NLRP12: variants seen among roughly 807,000 people sequenced by gnomAD.
NLRP12 encodes NLR family pyrin domain containing 12.
In NLRP12, 108 loss-of-function variants were observed where a neutral mutation model predicts 91.2. The ratio of observed to expected loss-of-function variants is 1.18; its 90% confidence interval spans 1.01 to 1.39. The LOEUF is 1.39. Among genes scored for constraint, NLRP12 ranks in the 40% most tolerant of loss-of-function variants. The pLI, the probability that NLRP12 is intolerant of heterozygous loss-of-function variation, is 0.00. For missense variants in NLRP12, 1,530 were observed against 1,352.7 expected (o/e 1.13, Z -2.06); for synonymous variants, 613 against 566.7 (o/e 1.08, Z -1.16).
chr19:53,803,328 T>C (rs1042514143), intron 6 of NLRP12, among the ~76,000 whole-genome samples: 4 of 151,922 alleles, frequency 2.6e-5, no homozygotes, highest in Non-Finnish European at 4.4e-5. Flanking sequence ...ATTATAGGCA[T>C]GTGCCACCAC....
chr19:53,815,111 A>G (rs1055507279), intron 1 of NLRP12, 123 bp from the exon 2 acceptor site: 3 of 766,938 alleles, frequency 3.9e-6, no homozygotes. Context: ...CAGAATGTTC[A>G]GTAGTGACTG....
At chr19:53,799,088 C>T (rs2091823586) in intron 7 of NLRP12, among the ~76,000 whole-genome samples, 1 of 147,300 alleles carries the variant, frequency 6.8e-6, no homozygotes. Context: ...TCTTGGCTCA[C>T]TGCAACCTCC....
At chr19:53,801,865 G>A (rs1039680098) in intron 6 of NLRP12, among the ~76,000 whole-genome samples, 5 of 152,060 alleles carry the variant, frequency 3.3e-5, no homozygotes, top group African/African-American at 4.8e-5. Flanking sequence ...GGCCGAGGCT[G>A]GCAGATCACC....
At chr19:53,796,630 A>C (rs2091766444) in intron 8 of NLRP12, among the ~76,000 whole-genome samples, 1 of 151,860 alleles carries the variant, frequency 6.6e-6, no homozygotes, top group Non-Finnish European at 1.5e-5. Context: ...GTGATCCACC[A>C]ACCTTGGCCT....
chr19:53,794,921 G>C (rs938466288), intron 9 of NLRP12, among the ~76,000 whole-genome samples: 2 of 151,972 alleles, frequency 1.3e-5, no homozygotes, highest in East Asian at 3.9e-4. Context: ...GGCTGGTCTT[G>C]AACTCCTGGC....
intron 3 of NLRP12, among the ~76,000 whole-genome samples, chr19:53,809,383 T>G (rs1418755299): frequency 6.6e-6 from 1 of 150,426 alleles, no homozygotes; most frequent in Non-Finnish European, 1.5e-5. Context: ...ATACAAAAAT[T>G]AGGTGGGCGT....
In NLRP12 at chr19:53,803,940, GGAA is replaced by G; in HGVS notation, c.2585+9_2585+11del. 6.2e-7 allele frequency: 1 copy of G among 1,613,150 alleles called. No individual in the cohort carries two copies. ...TGCCATTTTATTATAGTTGACCCCAGGAAGAACTCACCACAAAGTCCGTAGTCT... is the reference window on the plus strand; with the variant it reads ...TGCCATTTTATTATAGTTGACCCCAGGAACTCACCACAAAGTCCGTAGTCT... On this transcript the variant is annotated intron_variant, in intron 6 of 9. Transcript: ENST00000324134.
chr19:53,823,467 A>ATATTTAAAATATATATTTTAAAATATATT (rs2092296557), intron 1 of NLRP12, among the ~76,000 whole-genome samples: 1 of 129,996 alleles, frequency 7.7e-6, no homozygotes, highest in African/African-American at 2.9e-5. Flanking sequence ...TTTTAAATAT[A>ATATTTAAAATATATATTTTAAAATATATT]TATTTAAAAT....
intron 8 of NLRP12, 116 bp downstream of exon 8, chr19:53,798,127 T>C: frequency 8.7e-7 from 1 of 1,151,590 alleles, no homozygotes; most frequent in Non-Finnish European, 1.3e-6. Context: ...CTCTTCTTGC[T>C]ACCTGAATCT....
At chr19:53,819,602 TATATATGTATGTATACGTATATAC>T (rs2092231703) in intron 1 of NLRP12, among the ~76,000 whole-genome samples, 3 of 88,922 alleles carry the variant, frequency 3.4e-5, no homozygotes, top group African/African-American at 1.3e-4. Context: ...TATATACGCA[TATATATGTATGTATACGTATATAC>T]GCGTATATAT....
At chr19:53,802,724 CTG>C in intron 6 of NLRP12, among the ~76,000 whole-genome samples, 1 of 151,154 alleles carries the variant, frequency 6.6e-6, no homozygotes, top group East Asian at 1.9e-4. Flanking sequence ...AAAAAGAAAA[CTG>C]GGGAAGATGG....
chr19:53,797,740 A>AT (rs2091792620), intron 8 of NLRP12, among the ~76,000 whole-genome samples: 2 of 142,468 alleles, frequency 1.4e-5, no homozygotes, highest in African/African-American at 5.1e-5. Flanking sequence ...TTTAAATTTT[A>AT]ATTTTTTTTT....
chr19:53,810,823 A>G lies in NLRP12; in HGVS notation c.836T>C (p.Leu279Pro). The G allele has an allele frequency of 6.2e-7, 1 of 1,614,082 alleles. No individual in the cohort carries two copies. Among genetic ancestry groups the G allele is most frequent in the African/African-American group, 1.3e-5 (1 of 75,032 alleles). ...CTCGGGAACTCGGATGAGCTCCTGG[A>G]GAGGCGCGCTGGGCTCAGGCCAGCA... Reference protein sequence around the residue: ...FSCWPEPSAPLQELIRVPERL... With the variant: ...FSCWPEPSAPPQELIRVPERL... Residue 279 changes from leucine (L) to proline (P), a missense_variant, in exon 3 of 10, where the codon CTC (leucine) becomes CCC (proline). Coordinates refer to ENST00000324134, the MANE Select transcript of NLRP12 (RefSeq NM_144687.4).
rs540042739 is a variant in NLRP12, at chr19:53,810,078, G to A, written c.1581C>T (p.Ile527=). ...FQEFFAAMYY[I]LDEGEGGAGP... is the part of the protein sequence containing the mutation. ...CTGCCCCGCCCTCCCCCTCGTCCAG[G>A]ATATAGTACATAGCTGCAAAGAATT... is the stretch of plus-strand genomic sequence containing the variant. The change falls in exon 3 of 10, where the codon ATC becomes ATT. Residue 527 remains isoleucine (I), a synonymous_variant. Transcript: ENST00000324134. The A allele has an allele frequency of 6.2e-7, 1 of 1,614,134 alleles. No homozygotes were observed. Among genetic ancestry groups the A allele is most frequent in the South Asian group, 1.1e-5 (1 of 91,074 alleles).
At chr19:53,820,790 C>T (rs894239407) in intron 1 of NLRP12, among the ~76,000 whole-genome samples, 3 of 149,556 alleles carry the variant, frequency 2.0e-5, no homozygotes, top group Non-Finnish European at 3.0e-5. Flanking sequence ...CAGGTTCACG[C>T]CATTCTCCTG....
At position 53,819,245 on chromosome 19, in the gene NLRP12, CTTTCT is replaced by C. The variant is rs1224562191; in HGVS notation, c.290-4262_290-4258del. On this transcript the variant is annotated intron_variant, in intron 1 of 9. Coordinates refer to ENST00000324134, the MANE Select transcript of NLRP12 (RefSeq NM_144687.4). ...CAAGTAAGTAAATTGATACTTTTTT[CTTTCT>C]TTTCTTTTTTTGAGATGGAGTCTCG... 2.7e-5 allele frequency among the ~76,000 whole-genome samples: 4 copies of C among 150,234 alleles called. No homozygotes were observed. In the South Asian group the frequency reaches 6.3e-4, roughly 24 times the overall value.
Position 53,810,502 on chromosome 19 carries a change from T to C in NLRP12, c.1157A>G (p.Gln386Arg), listed in dbSNP as rs1335953782. 3 of 1,613,986 alleles carry C rather than the reference T, an allele frequency of 1.9e-6. No individual in the cohort carries two copies. The highest frequency in any genetic ancestry group is 2.5e-6 in the Non-Finnish European group (3 of 1,180,014). The change falls in exon 3 of 10, where the codon CAA (glutamine) becomes CGA (arginine). Residue 386 changes from glutamine to arginine, a missense_variant. Coordinates refer to ENST00000324134, the MANE Select transcript of NLRP12 (RefSeq NM_144687.4). ...GTTGTCCCTCACGTAATTGAAGACT[T>C]GGCCCGCCTGCTCTGCATTGTGGAA... ...KYFHNAEQAG[Q>R]VFNYVRDNEP...
intron 1 of NLRP12, among the ~76,000 whole-genome samples, chr19:53,821,450 T>C (rs1330368381): frequency 1.3e-5 from 2 of 151,980 alleles, no homozygotes; most frequent in Non-Finnish European, 2.9e-5. Context: ...GGCTGGATCA[T>C]GAGGTCAGGA....
At chr19:53,823,447 T>TATATATTTTA (rs2092294647) in intron 1 of NLRP12, among the ~76,000 whole-genome samples, 1 of 66,010 alleles carries the variant, frequency 1.5e-5, no homozygotes, top group Admixed American at 1.7e-4. Flanking sequence ...ATATATGTTT[T>TATATATTTTA]AAATATATAT....
Sources: gnomAD v4.1 joint callset for allele counts (sites outside exome capture counted in the v4.1 genomes callset) on GRCh38, gnomAD v4.1.1 for gene constraint, MANE v1.5 for transcripts, NCBI Gene and HGNC (gene_info 2026-07-23, HGNC 2026-07-21) for gene names.